Variants in MAP2K6 observed in about 807,000 individuals in gnomAD.
MAP2K6 encodes dual specificity mitogen-activated protein kinase kinase 6.
In MAP2K6, 16 loss-of-function variants were observed where a neutral mutation model predicts 53.7. The observed-to-expected ratio is 0.30, with a 90% confidence interval of 0.20 to 0.45. The LOEUF is 0.45. Ranked by LOEUF, MAP2K6 falls within the 20% of genes least tolerant of loss-of-function variation. The pLI is 1.00. For synonymous variants in MAP2K6, 132 were observed against 143.1 expected (o/e 0.92, Z 0.55); for missense variants, 204 against 411.9 (o/e 0.50, Z 4.37).
intron 1 of MAP2K6, chr17:69,433,098 A>G (rs1281579145): frequency 3.9e-5 from 6 of 152,376 alleles, no homozygotes; most frequent in Middle Eastern, 3.4e-3. Context: ...CAGTTGCCCA[A>G]TGATATGTGG....
chr17:69,443,004 A>C (rs1906868447), intron 1 of MAP2K6, among the ~76,000 whole-genome samples: 1 of 152,040 alleles, frequency 6.6e-6, no homozygotes, highest in Admixed American at 6.6e-5. Context: ...CAAACCCCAG[A>C]ATTTTCCTGC....
intron 1 of MAP2K6, among the ~76,000 whole-genome samples, chr17:69,482,031 T>A (rs1342491320): frequency 2.0e-5 from 3 of 152,104 alleles, no homozygotes; most frequent in Non-Finnish European, 4.4e-5. Context: ...TAGTGTAGGG[T>A]TGGCCCCAGA....
intron 1 of MAP2K6, among the ~76,000 whole-genome samples, chr17:69,427,759 C>G (rs1315025250): frequency 6.6e-6 from 1 of 152,222 alleles, no homozygotes; most frequent in Non-Finnish European, 1.5e-5. Flanking sequence ...GCCATATCAT[C>G]TCATTCAAGT....
Position 69,517,619 on chromosome 17 carries a change from G to A in MAP2K6, c.246+6G>A. 6.3e-7 allele frequency: 1 copy of A among 1,584,360 alleles called. No homozygotes were observed. Among genetic ancestry groups the A allele is most frequent in the Non-Finnish European group, 8.6e-7 (1 of 1,163,062 alleles). On this transcript the variant is annotated splice_donor_region_variant and intron_variant, in intron 4 of 11. Coordinates refer to ENST00000590474, the MANE Select transcript of MAP2K6 (RefSeq NM_002758.4). Reference sequence around the variant, plus strand: ...GGCAGATCATGGCAGTGAAGGTAGAGTTGACATTCTCCCAAATGTTTTATA... The same window carrying A: ...GGCAGATCATGGCAGTGAAGGTAGAATTGACATTCTCCCAAATGTTTTATA...
chr17:69,436,502 G>A (rs1399864495), intron 1 of MAP2K6, among the ~76,000 whole-genome samples: 2 of 152,158 alleles, frequency 1.3e-5, no homozygotes, highest in East Asian at 3.9e-4. Flanking sequence ...ATTCAGGCTC[G>A]GTGCCTGGCA....
intron 1 of MAP2K6, among the ~76,000 whole-genome samples, chr17:69,493,723 T>G (rs1435168956): frequency 6.6e-6 from 1 of 151,846 alleles, no homozygotes; most frequent in Non-Finnish European, 1.5e-5. Context: ...ATCGTGCCAT[T>G]GCAGTCCAGC....
chr17:69,546,867 T>G lies in MAP2K6; in HGVS notation c.*5114T>G, dbSNP rs575264860. On this transcript the variant is annotated 3_prime_UTR_variant, in exon 12 of 12. Transcript: ENST00000590474. ...ATAGGACTTTTTTTTTTTTTAACTT[T>G]TCAAATGGAAGGTGCAGTTTTCAAT... 4.1e-4 allele frequency: 62 copies of G among 152,260 alleles called. No homozygotes were observed. The highest frequency in any genetic ancestry group is 1.5e-3 in the African/African-American group (62 of 41,552). The allele number at this position is 152,260 out of a possible 1,614,324, so 9.4% of individuals were successfully genotyped here.
At chr17:69,524,463 C>G (rs961877883) in intron 8 of MAP2K6, among the ~76,000 whole-genome samples, 7 of 150,832 alleles carry the variant, frequency 4.6e-5, no homozygotes, top group African/African-American at 1.7e-4. Flanking sequence ...TGGAAATGGA[C>G]TTGTGCTTTG....
chr17:69,501,369 T>A (rs1228957690), intron 1 of MAP2K6, among the ~76,000 whole-genome samples: 1 of 152,194 alleles, frequency 6.6e-6, no homozygotes, highest in Non-Finnish European at 1.5e-5. Flanking sequence ...ATGAGGAACA[T>A]CAGAGGAGTG....
intron 10 of MAP2K6, among the ~76,000 whole-genome samples, chr17:69,528,751 CG>C (rs948143404): frequency 4.7e-5 from 7 of 148,490 alleles, no homozygotes; most frequent in African/African-American, 1.7e-4. Context: ...CCCAGCTACT[CG>C]GGAGATTGAT....
At chr17:69,525,791 A>G (rs1357637046) in intron 9 of MAP2K6, among the ~76,000 whole-genome samples, 1 of 152,230 alleles carries the variant, frequency 6.6e-6, no homozygotes, top group Non-Finnish European at 1.5e-5. Flanking sequence ...CTACAATTCA[A>G]GATGAGATTT....
chr17:69,451,320 A>G (rs768620821), intron 1 of MAP2K6, among the ~76,000 whole-genome samples: 6 of 152,188 alleles, frequency 3.9e-5, no homozygotes, highest in Non-Finnish European at 8.8e-5. Context: ...AGCAAATGCT[A>G]CACATTAGGG....
intron 10 of MAP2K6, among the ~76,000 whole-genome samples, chr17:69,527,675 T>C (rs960956559): frequency 6.6e-6 from 1 of 152,004 alleles, no homozygotes; most frequent in African/African-American, 2.4e-5. Context: ...GGCTCGGAGA[T>C]GGTGGCAGGC....
rs755599713 is a variant in MAP2K6 at position 69,547,235 on chromosome 17, G to C, written c.*5482G>C. The C allele has an allele frequency of 6.6e-5, 10 of 152,056 alleles. No homozygotes were observed. The highest frequency in any genetic ancestry group is 1.3e-4 in the Non-Finnish European group (9 of 68,016). 9.4% of individuals were successfully genotyped at this position (152,056 alleles called of 1,614,324 possible). A position where few individuals can be genotyped will look rare whatever the true frequency, so the allele number is the denominator to read the frequency against. On this transcript the variant is annotated 3_prime_UTR_variant, in exon 12 of 12. Transcript: ENST00000590474. ...GGGGGTTGCAGTTTATATACTCCAC[G>C]GGGTTAGTAGCTCTGTTCTGTAGAA... is the stretch of plus-strand genomic sequence containing the variant.
chr17:69,447,719 G>C (rs935255670), intron 1 of MAP2K6, among the ~76,000 whole-genome samples: 3 of 152,218 alleles, frequency 2.0e-5, no homozygotes, highest in Non-Finnish European at 4.4e-5. Flanking sequence ...GATGAAGAAA[G>C]AAAGAAATAG....
intron 1 of MAP2K6, among the ~76,000 whole-genome samples, chr17:69,449,924 TTC>T (rs950025835): frequency 2.0e-5 from 3 of 149,886 alleles, no homozygotes; most frequent in African/African-American, 7.4e-5. Context: ...CTTTCTCTCT[TTC>T]TCTCTTTCTT....
At chr17:69,497,931 C>A (rs1909007844) in intron 1 of MAP2K6, among the ~76,000 whole-genome samples, 1 of 152,206 alleles carries the variant, frequency 6.6e-6, no homozygotes, top group African/African-American at 2.4e-5. Flanking sequence ...ACTTCAAATA[C>A]CACTTCGTAT....
At chr17:69,537,432 C>T (rs979813989) in intron 11 of MAP2K6, among the ~76,000 whole-genome samples, 1 of 152,326 alleles carries the variant, frequency 6.6e-6, no homozygotes, top group African/African-American at 2.4e-5. Context: ...ATGCTTGCTC[C>T]TCTGCTATCC....
chr17:69,486,221 C>T (rs1011877600), intron 1 of MAP2K6, among the ~76,000 whole-genome samples: 1 of 152,118 alleles, frequency 6.6e-6, no homozygotes, highest in Non-Finnish European at 1.5e-5. Flanking sequence ...CGTATTCTGG[C>T]TACAGGGCTG....
Sources: gnomAD v4.1 joint callset for allele counts (sites outside exome capture counted in the v4.1 genomes callset) on GRCh38, gnomAD v4.1.1 for gene constraint, MANE v1.5 for transcripts, NCBI Gene and HGNC (gene_info 2026-07-23, HGNC 2026-07-21) for gene names.